DBF4: variants seen among roughly 807,000 people sequenced by gnomAD.
DBF4 encodes the protein protein DBF4 homolog A.
Under a neutral mutation model 76.6 loss-of-function variants are expected in DBF4, and 25 were observed. The ratio of observed to expected loss-of-function variants is 0.33; its 90% CI spans 0.24 to 0.46. The LOEUF (loss-of-function observed/expected upper bound fraction) is 0.46. Among genes scored for constraint, DBF4 ranks in the 20% least tolerant of loss-of-function variants. DBF4 has a pLI of 1.00. For missense variants in DBF4, 638 were observed against 760.8 expected (o/e 0.84, Z 1.90); for synonymous variants, 213 against 258.0 (o/e 0.83, Z 1.67).
chr7:87,893,765 ATCTG>A (rs1412451349), intron 6 of DBF4, among the ~76,000 whole-genome samples: 2 of 152,170 alleles, frequency 1.3e-5, no homozygotes, highest in Admixed American at 6.5e-5. Context: ...AAATTTGGCA[ATCTG>A]TCTTTTAATT....
At chr7:87,899,311 T>C (rs1269315403) in intron 8 of DBF4, among the ~76,000 whole-genome samples, 1 of 152,216 alleles carries the variant, frequency 6.6e-6, no homozygotes, top group South Asian at 2.1e-4. Flanking sequence ...AAGAAGATAC[T>C]GCAAGTCATG....
chr7:87,882,064 T>A (rs1392301106), intron 2 of DBF4, among the ~76,000 whole-genome samples: 1 of 152,202 alleles, frequency 6.6e-6, no homozygotes, highest in Non-Finnish European at 1.5e-5. Context: ...TTTTATTCAC[T>A]CTAAGGAGTT....
Position 87,904,428 on chromosome 7 carries a change from T to A in DBF4, c.1049+12T>A, listed in dbSNP as rs781655346. 1.2e-6 allele frequency: 2 copies of A among 1,609,248 alleles called. No homozygotes were observed. Among genetic ancestry groups the A allele is most frequent in the East Asian group, 4.5e-5 (2 of 44,646 alleles). On this transcript the variant is annotated intron_variant, in intron 11 of 11. Coordinates refer to ENST00000265728, the MANE Select transcript of DBF4 (RefSeq NM_006716.4). ...CCTAAAAAGAAAAGGTAATTAGTTT[T>A]ATCAACCTAAGTTTTAAATTCTACT...
chr7:87,896,503 A>C lies in DBF4; in HGVS notation c.627A>C (p.Lys209Asn), dbSNP rs1161403103. 2 of 1,611,490 alleles carry C rather than the reference A, an allele frequency of 1.2e-6. No individual in the cohort carries two copies. The highest frequency in any genetic ancestry group is 1.8e-4 in the Middle Eastern group (1 of 5,706). ...AAAGAGTTGGTAGTGGTGCACAAAAAACAAGAAGTAAGTATTTTGTGATCT... is the reference window on the plus strand; with the variant it reads ...AAAGAGTTGGTAGTGGTGCACAAAACACAAGAAGTAAGTATTTTGTGATCT... ...GGKRVGSGAQ[K>N]TRTGRLKKPF... is the part of the protein sequence containing the mutation. The change falls in exon 7 of 12, where the codon AAA becomes AAC. Residue 209 changes from lysine to asparagine, a missense_variant. Lys to Asn is a moderately conservative substitution (Grantham distance 94). Coordinates refer to ENST00000265728, the MANE Select transcript of DBF4 (RefSeq NM_006716.4).
At chr7:87,895,640 AG>A (rs985988867) in intron 6 of DBF4, among the ~76,000 whole-genome samples, 5 of 152,132 alleles carry the variant, frequency 3.3e-5, no homozygotes, top group African/African-American at 9.7e-5. Context: ...CTTGGAGGTA[AG>A]CCCTGCACTT....
chr7:87,904,216 T>C, intron 10 of DBF4, 76 bp from the exon 11 acceptor site: 1 of 1,457,010 alleles, frequency 6.9e-7, no homozygotes, highest in Non-Finnish European at 9.2e-7. Flanking sequence ...ATGAGAATGT[T>C]AGAAAACCTT....
chr7:87,896,547 C>A, intron 7 of DBF4, 37 bp downstream of exon 7: 1 of 1,581,182 alleles, frequency 6.3e-7, no homozygotes, highest in Non-Finnish European at 8.7e-7. Flanking sequence ...ATTTGGTTTG[C>A]ATTTGAAAAA....
chr7:87,900,751 T>C lies in DBF4; in HGVS notation c.810-13T>C, dbSNP rs772445742. The stretch of plus-strand genomic sequence containing the variant: ...TCAGCAGTTAATTCTTTACCATGTA[T>C]GTCTGTCATCAGAATCCAAACAGAT... On this transcript the variant is annotated splice_polypyrimidine_tract_variant and intron_variant, in intron 9 of 11. Transcript: ENST00000265728. 5.6e-6 allele frequency: 9 copies of C among 1,602,448 alleles called. No individual in the cohort carries two copies. Among genetic ancestry groups the C allele is most frequent in the Non-Finnish European group, 7.7e-6 (9 of 1,172,138 alleles).
Position 87,907,435 on chromosome 7 carries a change from A to G in DBF4, c.1297A>G (p.Lys433Glu). 6 of 1,614,058 alleles carry G rather than the reference A, an allele frequency of 3.7e-6. No individual in the cohort carries two copies. The highest frequency in any genetic ancestry group is 5.1e-6 in the Non-Finnish European group (6 of 1,179,960). Residue 433 changes from lysine to glutamate, a missense_variant, in exon 12 of 12, where the codon AAA (lysine) becomes GAA (glutamate). Transcript: ENST00000265728. ...LRGLNEKMSN[K>E]CSMLSTAEDD... ...AGGGCTTAATGAGAAAATGAGTAAT[A>G]AATGTTCCATGTTAAGTACAGCTGA... is the stretch of plus-strand genomic sequence containing the variant.
At chr7:87,904,952 A>T (rs13235178) in intron 11 of DBF4, among the ~76,000 whole-genome samples, 1 of 151,886 alleles carries the variant, frequency 6.6e-6, no homozygotes, top group Non-Finnish European at 1.5e-5. Flanking sequence ...TTCCTTTTTT[A>T]AATTTTTTGT....
intron 8 of DBF4, among the ~76,000 whole-genome samples, chr7:87,898,908 G>A (rs1407418300): frequency 9.2e-5 from 14 of 151,792 alleles, no homozygotes; most frequent in South Asian, 2.1e-4. Flanking sequence ...ACATATAAAC[G>A]AATGGAATAG....
chr7:87,896,940 G>A (rs140436962), intron 7 of DBF4, among the ~76,000 whole-genome samples: 167 of 152,316 alleles, frequency 1.1e-3, no homozygotes, highest in African/African-American at 3.8e-3. Flanking sequence ...CATCAAAGTC[G>A]CAGGTACTGC....
At chr7:87,890,870 A>G (rs1839468320) in intron 6 of DBF4, among the ~76,000 whole-genome samples, 2 of 152,338 alleles carry the variant, frequency 1.3e-5, no homozygotes, top group Non-Finnish European at 1.5e-5. Flanking sequence ...TAAAAATGAT[A>G]ATAATACCAA....
intron 2 of DBF4, among the ~76,000 whole-genome samples, chr7:87,882,364 C>T (rs932519158): frequency 3.9e-5 from 6 of 152,046 alleles, no homozygotes; most frequent in Non-Finnish European, 7.4e-5. Context: ...AGAACTGAAA[C>T]TCTTAGTGGA....
At chr7:87,885,294 C>T (rs1380167775) in intron 3 of DBF4, 136 bp downstream of exon 3, 5 of 660,626 alleles carry the variant, frequency 7.6e-6, no homozygotes, top group African/African-American at 7.4e-5. Context: ...CTCTCTAGTC[C>T]TCAATAAAGT....
At position 87,876,518 on chromosome 7, in the gene DBF4, C is replaced by A. The variant is rs1234076675; in HGVS notation, c.-215C>A. The A allele has an allele frequency of 5.1e-6, 3 of 588,276 alleles. No individual in the cohort carries two copies. The highest frequency in any genetic ancestry group is 3.7e-5 in the African/African-American group (2 of 53,690). The allele number at this position is 588,276 out of a possible 1,614,324, so 36.4% of individuals were successfully genotyped here. Reference sequence around the variant, plus strand: ...AAATCTTCAACCGCCGCAGCCCACTCGTTTGTGCTTTGCGCCTTCCTCCTC... The same window carrying A: ...AAATCTTCAACCGCCGCAGCCCACTAGTTTGTGCTTTGCGCCTTCCTCCTC... On this transcript the variant is annotated 5_prime_UTR_variant, in exon 1 of 12. Transcript: ENST00000265728.
intron 5 of DBF4, 75 bp downstream of exon 5, chr7:87,887,473 C>G: frequency 6.9e-7 from 1 of 1,445,256 alleles, no homozygotes; most frequent in Non-Finnish European, 9.2e-7. Flanking sequence ...CCTGACTTTA[C>G]ATAGTGAAAT....
intron 2 of DBF4, among the ~76,000 whole-genome samples, chr7:87,879,691 C>T (rs1839163352): frequency 6.6e-6 from 1 of 152,162 alleles, no homozygotes; most frequent in South Asian, 2.1e-4. Context: ...GTAATTCACA[C>T]CTGTAATCCT....
intron 2 of DBF4, among the ~76,000 whole-genome samples, chr7:87,881,781 T>G (rs1479130382): frequency 2.0e-5 from 3 of 152,256 alleles, no homozygotes; most frequent in Non-Finnish European, 4.4e-5. Context: ...GTCAATGCTT[T>G]GACAGAAATA....
Sources: gnomAD v4.1 joint callset for allele counts (sites outside exome capture counted in the v4.1 genomes callset) on GRCh38, gnomAD v4.1.1 for gene constraint, MANE v1.5 for transcripts, NCBI Gene and HGNC (gene_info 2026-07-23, HGNC 2026-07-21) for gene names.